GAB2: variants seen among roughly 807,000 people sequenced by gnomAD.
GAB2 encodes GRB2 associated binding protein 2, also known as GRB2-associated-binding protein 2.
GAB2 carries 26 observed loss-of-function variants against 65.5 expected under a neutral mutation model. The ratio of observed to expected loss-of-function variants is 0.40; its 90% CI spans 0.29 to 0.55. GAB2 has a LOEUF of 0.55. Among genes scored for constraint, GAB2 ranks in the 20% least tolerant of loss-of-function variants. The pLI, the probability that GAB2 is intolerant of heterozygous loss-of-function variation, is 0.53. For missense variants in GAB2, 884 were observed against 875.8 expected, an observed-to-expected ratio of 1.01 and a Z score of -0.12; for synonymous variants, 321 against 329.6, an observed-to-expected ratio of 0.97 and a Z score of 0.28.
intron 1 of GAB2, among the ~76,000 whole-genome samples, chr11:78,291,555 C>CTTTTCTTTTTTTT (rs1866677044): frequency 1.8e-5 from 1 of 55,046 alleles, no homozygotes; most frequent in South Asian, 6.9e-4. Context: ...TTACTTTTTT[C>CTTTTCTTTTTTTT]TTTTTCTTTT....
At chr11:78,272,052 T>C (rs1407866897) in intron 2 of GAB2, among the ~76,000 whole-genome samples, 1 of 152,240 alleles carries the variant, frequency 6.6e-6, no homozygotes, top group Non-Finnish European at 1.5e-5. Context: ...GCCATCATTG[T>C]GAGGCCTCCC....
chr11:78,314,958 C>T (rs539203733), intron 1 of GAB2, among the ~76,000 whole-genome samples: 7 of 152,324 alleles, frequency 4.6e-5, no homozygotes, highest in Non-Finnish European at 7.3e-5. Context: ...GCTATGGGAG[C>T]AGTGAGAACT....
At chr11:78,229,697 A>C (rs956539258) in intron 3 of GAB2, among the ~76,000 whole-genome samples, 1 of 152,204 alleles carries the variant, frequency 6.6e-6, no homozygotes, top group African/African-American at 2.4e-5. Flanking sequence ...CCAAACTCCT[A>C]GGTTTATCCC....
chr11:78,318,381 A>AAAAAAAAAAAAAAAG, intron 1 of GAB2, among the ~76,000 whole-genome samples: 1 of 148,750 alleles, frequency 6.7e-6, no homozygotes. Flanking sequence ...AAAAAAAAAA[A>AAAAAAAAAAAAAAAG]AAAAAGCTGT....
chr11:78,341,148 T>C (rs1303567378), intron 1 of GAB2, among the ~76,000 whole-genome samples: 2 of 152,222 alleles, frequency 1.3e-5, no homozygotes, highest in Admixed American at 6.5e-5. Context: ...ATGACTTTAT[T>C]CTTGAGTCTA....
In GAB2 at chr11:78,376,674, A is replaced by C. The variant is rs539295596; in HGVS notation, c.75+40972T>G. 2.6e-3 allele frequency among the ~76,000 whole-genome samples: 399 copies of C among 152,328 alleles called. 7 individuals are homozygous for C. The highest frequency in any genetic ancestry group is 0.02 in the Middle Eastern group (6 of 294). ...GGCAAGAATAACCATAAAAGTCTGGACAACCTAGGTTTCAAGTTCTAATCT... is the reference window on the plus strand; with the variant it reads ...GGCAAGAATAACCATAAAAGTCTGGCCAACCTAGGTTTCAAGTTCTAATCT... On this transcript the variant is annotated intron_variant, in intron 1 of 9. Coordinates refer to ENST00000361507, the MANE Select transcript of GAB2 (RefSeq NM_080491.3).
intron 1 of GAB2, among the ~76,000 whole-genome samples, chr11:78,322,509 G>C (rs553806559): frequency 6.6e-6 from 1 of 151,910 alleles, no homozygotes; most frequent in East Asian, 1.9e-4. Context: ...TATCGAGAGA[G>C]TAAAGAGACA....
chr11:78,341,274 T>A (rs930530081), intron 1 of GAB2, among the ~76,000 whole-genome samples: 2 of 152,274 alleles, frequency 1.3e-5, no homozygotes, highest in Non-Finnish European at 2.9e-5. Flanking sequence ...TACACTTTTA[T>A]TGAGCAATTG....
intron 1 of GAB2, among the ~76,000 whole-genome samples, chr11:78,305,381 T>G (rs1238182121): frequency 6.6e-6 from 1 of 152,258 alleles, no homozygotes; most frequent in East Asian, 1.9e-4. Flanking sequence ...TACTTTAAGG[T>G]ATAAAACTAA....
chr11:78,226,397 A>G, intron 4 of GAB2, 68 bp downstream of exon 4: 5 of 1,268,888 alleles, frequency 3.9e-6, no homozygotes, highest in South Asian at 1.2e-5. Flanking sequence ...ACCAAGGACC[A>G]TCAAACTATT....
At chr11:78,397,493 T>A (rs932862134) in intron 1 of GAB2, among the ~76,000 whole-genome samples, 1 of 152,206 alleles carries the variant, frequency 6.6e-6, no homozygotes, top group Non-Finnish European at 1.5e-5. Flanking sequence ...TCATAATTCA[T>A]TCTGATGAGG....
At chr11:78,263,395 A>G (rs891607534) in intron 2 of GAB2, among the ~76,000 whole-genome samples, 4 of 152,132 alleles carry the variant, frequency 2.6e-5, no homozygotes, top group African/African-American at 9.7e-5. Context: ...GCATTTTGGG[A>G]GGCCAAGGCG....
chr11:78,243,976 A>G (rs1314067391), intron 3 of GAB2, among the ~76,000 whole-genome samples: 1 of 152,248 alleles, frequency 6.6e-6, no homozygotes, highest in Non-Finnish European at 1.5e-5. Flanking sequence ...AAATCTGAAC[A>G]GACTAATTAT....
chr11:78,348,718 T>G (rs973139617), intron 1 of GAB2, among the ~76,000 whole-genome samples: 6 of 152,216 alleles, frequency 3.9e-5, no homozygotes, highest in Admixed American at 3.9e-4. Context: ...ATTCAACTGC[T>G]GGGTATACCT....
intron 1 of GAB2, among the ~76,000 whole-genome samples, chr11:78,404,907 A>C (rs1857021604): frequency 6.6e-6 from 1 of 152,228 alleles, no homozygotes; most frequent in African/African-American, 2.4e-5. Context: ...CTGGAATTGG[A>C]ATGTTCCTAA....
chr11:78,247,214 A>G (rs1486626905), intron 3 of GAB2, among the ~76,000 whole-genome samples: 1 of 152,106 alleles, frequency 6.6e-6, no homozygotes, highest in Admixed American at 6.5e-5. Flanking sequence ...CCTCTTTACA[A>G]TCTATCTCCT....
At chr11:78,313,175 T>C (rs1855535672) in intron 1 of GAB2, among the ~76,000 whole-genome samples, 1 of 152,236 alleles carries the variant, frequency 6.6e-6, no homozygotes, top group African/African-American at 2.4e-5. Context: ...TAGTGTATTC[T>C]TTGGGATCAC....
At chr11:78,229,447 C>T (rs1404891472) in intron 3 of GAB2, among the ~76,000 whole-genome samples, 1 of 152,180 alleles carries the variant, frequency 6.6e-6, no homozygotes, top group Non-Finnish European at 1.5e-5. Flanking sequence ...GCATCACAGG[C>T]ACCCTGCAAT....
In GAB2 at chr11:78,293,918, ATTTTT is replaced by A. The variant is rs1276502599; in HGVS notation, c.76-13022_76-13018del. On this transcript the variant is annotated intron_variant, in intron 1 of 9. Coordinates refer to ENST00000361507, the MANE Select transcript of GAB2 (RefSeq NM_080491.3). ...ATTGATGAAATATGAGTCTTTTTTTATTTTTATTTTTATTATACTTTAAGTTTTAG... is the reference window on the plus strand; with the variant it reads ...ATTGATGAAATATGAGTCTTTTTTTAATTTTTATTATACTTTAAGTTTTAG... 2.1e-4 allele frequency among the ~76,000 whole-genome samples: 23 copies of A among 107,818 alleles called. No individual in the cohort carries two copies. In the East Asian group the frequency reaches 0.012, roughly 55 times the overall value. The allele number at this position is 107,818 out of a possible 152,430, so 70.7% of individuals were successfully genotyped here. A position where few individuals can be genotyped will look rare whatever the true frequency, so the allele number is the denominator to read the frequency against.
Sources: gnomAD v4.1 joint callset for allele counts (sites outside exome capture counted in the v4.1 genomes callset) on GRCh38, gnomAD v4.1.1 for gene constraint, MANE v1.5 for transcripts, NCBI Gene and HGNC (gene_info 2026-07-23, HGNC 2026-07-21) for gene names.